Variants in RBFOX1 observed in about 807,000 individuals in gnomAD.
RBFOX1 encodes RNA binding fox-1 homolog 1, also known as RNA binding protein fox-1 homolog 1.
RBFOX1 carries 8 observed loss-of-function variants against 57.7 expected under a neutral mutation model. That is an observed-to-expected ratio of 0.14 (90% CI 0.08 to 0.25). The LOEUF (loss-of-function observed/expected upper bound fraction) is 0.25. Ranked by LOEUF, RBFOX1 falls within the 10% of genes least tolerant of loss-of-function variation. The probability of loss-of-function intolerance (pLI) is 1.00; values close to 1 mark genes in which losing one functional copy is unlikely to be tolerated. For synonymous variants in RBFOX1, 326 were observed against 222.4 expected, an observed-to-expected ratio of 1.47 and a Z score of -4.15; for missense variants, 611 against 548.5, an observed-to-expected ratio of 1.11 and a Z score of -1.14.
chr16:5,876,352 T>C (rs1053376712), intron 4 of RBFOX1, among the ~76,000 whole-genome samples: 1 of 152,202 alleles, frequency 6.6e-6, no homozygotes, highest in Non-Finnish European at 1.5e-5. Context: ...CAGATGAGCA[T>C]ACTGAGGCTT....
In RBFOX1 at chr16:6,854,587, ATTTTT is replaced by A. The variant is rs71147611; in HGVS notation, c.-15-197449_-15-197445del. 7.1e-5 allele frequency among the ~76,000 whole-genome samples: 5 copies of A among 70,640 alleles called. No homozygotes were observed. The East Asian group carries it at 1.5e-3, about 21-fold the overall frequency. 46.3% of individuals were successfully genotyped at this position (70,640 alleles called of 152,430 possible). On this transcript the variant is annotated intron_variant, in intron 3 of 15. Coordinates refer to ENST00000550418, the MANE Select transcript of RBFOX1 (RefSeq NM_018723.4). ...CCTCCCTGCCAACTAGGAGAGGTGA[ATTTTT>A]TTTTTTTTTTTTTTTTTTTTGAGAC...
chr16:6,897,526 G>T (rs916313523), intron 3 of RBFOX1, among the ~76,000 whole-genome samples: 4 of 152,244 alleles, frequency 2.6e-5, no homozygotes, highest in Non-Finnish European at 4.4e-5. Flanking sequence ...GGGTGCAGTG[G>T]CTCACGCCTG....
intron 4 of RBFOX1, among the ~76,000 whole-genome samples, chr16:7,392,828 G>A (rs2098059737): frequency 6.7e-6 from 1 of 149,556 alleles, no homozygotes; most frequent in African/African-American, 2.5e-5. Context: ...TTGGTGTCTT[G>A]GTTTTTTGTT....
intron 2 of RBFOX1, among the ~76,000 whole-genome samples, chr16:6,436,814 A>G (rs1327125703): frequency 6.6e-6 from 1 of 152,142 alleles, no homozygotes; most frequent in Non-Finnish European, 1.5e-5. Flanking sequence ...GTACACGTAT[A>G]TTGAATAAAT....
intron 2 of RBFOX1, among the ~76,000 whole-genome samples, chr16:5,558,964 A>T (rs13335748): frequency 6.6e-6 from 1 of 151,840 alleles, no homozygotes; most frequent in Admixed American, 6.6e-5. Context: ...GAGGCATGCC[A>T]GGTGGGTCAG....
intron 2 of RBFOX1, among the ~76,000 whole-genome samples, chr16:6,451,255 A>G (rs1209908608): frequency 1.3e-5 from 2 of 152,162 alleles, no homozygotes; most frequent in African/African-American, 2.4e-5. Flanking sequence ...TGTCTGACAC[A>G]AAGCATTCTG....
intron 4 of RBFOX1, among the ~76,000 whole-genome samples, chr16:7,151,276 G>A (rs1030107914): frequency 6.6e-6 from 1 of 152,178 alleles, no homozygotes; most frequent in Non-Finnish European, 1.5e-5. Context: ...CTTGGATTCA[G>A]AATGGTTCTG....
intron 5 of RBFOX1, among the ~76,000 whole-genome samples, chr16:7,536,499 C>G (rs774307780): frequency 6.6e-6 from 1 of 152,186 alleles, no homozygotes; most frequent in East Asian, 1.9e-4. Flanking sequence ...GAGGCTGAGA[C>G]AAGAGAATCG....
intron 3 of RBFOX1, among the ~76,000 whole-genome samples, chr16:5,772,816 T>C (rs1037123165): frequency 6.6e-6 from 1 of 152,094 alleles, no homozygotes; most frequent in African/African-American, 2.4e-5. Context: ...AAGGAATGAA[T>C]AGTGGGTGAA....
chr16:7,708,797 G>A (rs968502784), intron 14 of RBFOX1, among the ~76,000 whole-genome samples: 1 of 147,802 alleles, frequency 6.8e-6, no homozygotes, highest in Non-Finnish European at 1.5e-5. Context: ...TATGGGGGGA[G>A]GCAGGGAAAA....
chr16:5,662,842 C>A (rs149063636), intron 3 of RBFOX1, among the ~76,000 whole-genome samples: 3 of 152,274 alleles, frequency 2.0e-5, no homozygotes, highest in East Asian at 3.9e-4. Flanking sequence ...GTTTCCTTAT[C>A]TGCATAATGA....
In RBFOX1 at chr16:5,351,899, G is replaced by A. The variant is rs182854893; in HGVS notation, c.219+111794G>A. Among the ~76,000 whole-genome samples the A allele has an allele frequency of 2.2e-3, 340 of 152,252 alleles. 1 individual carries two copies. The highest frequency in any genetic ancestry group is 3.3e-3 in the Non-Finnish European group (226 of 68,028). ...GCTCACTGCAGCCTCTACCTCCTGG[G>A]TTCAAGCGATTTTCCTGTCTCAACC... On this transcript the variant is annotated intron_variant, in intron 1 of 2. Coordinates refer to the RBFOX1 transcript ENST00000585867.
intron 3 of RBFOX1, among the ~76,000 whole-genome samples, chr16:6,953,170 G>T (rs60161116): frequency 0.065 from 9,907 of 152,012 alleles, 1,070 homozygotes; most frequent in African/African-American, 0.22. Context: ...AAATAACCAT[G>T]ATCATTCCCT....
At chr16:6,031,745 G>A (rs1223148989) in intron 1 of RBFOX1, among the ~76,000 whole-genome samples, 1 of 152,252 alleles carries the variant, frequency 6.6e-6, no homozygotes, top group Non-Finnish European at 1.5e-5. Flanking sequence ...TCAGAGCCCA[G>A]CAGAATGAGG....
intron 4 of RBFOX1, among the ~76,000 whole-genome samples, chr16:7,154,650 A>G (rs932179043): frequency 2.6e-5 from 4 of 151,164 alleles, no homozygotes; most frequent in Non-Finnish European, 4.4e-5. Flanking sequence ...GAGAGGCATA[A>G]AACTTAGTTT....
In RBFOX1 at chr16:6,769,522, G is replaced by A. The variant is rs147531056; in HGVS notation, c.-16+114872G>A. 2.6e-3 allele frequency among the ~76,000 whole-genome samples: 400 copies of A among 152,264 alleles called. 3 individuals carry two copies. The highest frequency in any genetic ancestry group is 9.0e-3 in the African/African-American group (374 of 41,552). On this transcript the variant is annotated intron_variant, in intron 3 of 15. Transcript: ENST00000550418. ...GTATATCCTTAATGGTTTATCACCCGCCTTTTAATAAACATCAGGCTGTTT... is the reference window on the plus strand; with the variant it reads ...GTATATCCTTAATGGTTTATCACCCACCTTTTAATAAACATCAGGCTGTTT...
chr16:7,349,247 C>G (rs1369919972), intron 4 of RBFOX1, among the ~76,000 whole-genome samples: 1 of 152,130 alleles, frequency 6.6e-6, no homozygotes, highest in Non-Finnish European at 1.5e-5. Flanking sequence ...CCTTCTATCA[C>G]AAGTGGAGAC....
intron 3 of RBFOX1, among the ~76,000 whole-genome samples, chr16:6,897,267 C>T (rs974999996): frequency 1.3e-5 from 2 of 152,088 alleles, no homozygotes; most frequent in Admixed American, 1.3e-4. Flanking sequence ...ACTAAAAATA[C>T]AAAAATTAGC....
At chr16:6,279,711 T>A (rs1027380066) in intron 1 of RBFOX1, among the ~76,000 whole-genome samples, 1 of 152,222 alleles carries the variant, frequency 6.6e-6, no homozygotes, top group African/African-American at 2.4e-5. Flanking sequence ...AGGCTGTTGA[T>A]GTCAGGGCTT....
Sources: gnomAD v4.1 joint callset for allele counts (sites outside exome capture counted in the v4.1 genomes callset) on GRCh38, gnomAD v4.1.1 for gene constraint, MANE v1.5 for transcripts, NCBI Gene and HGNC (gene_info 2026-07-23, HGNC 2026-07-21) for gene names.